LRIG3: variants seen among roughly 807,000 people sequenced by gnomAD.
LRIG3 encodes leucine rich repeats and immunoglobulin like domains 3, also known as leucine-rich repeats and immunoglobulin-like domains protein 3.
A neutral mutation model predicts 114.5 loss-of-function variants in LRIG3; 76 were observed. The ratio of observed to expected loss-of-function variants is 0.66; its 90% confidence interval spans 0.55 to 0.80. The LOEUF is 0.80. LRIG3 is among the 30% of genes least tolerant of loss of function. LRIG3 has a pLI of 0.00. For synonymous variants in LRIG3, 512 were observed against 519.8 expected (o/e 0.98, Z 0.20); for missense variants, 1,239 against 1,382.8 (o/e 0.90, Z 1.65).
At position 58,874,524 on chromosome 12, in the gene LRIG3, T is replaced by C. The variant is rs1870851786; in HGVS notation, c.2745A>G (p.Thr915=). 1 of 1,614,214 alleles carries C rather than the reference T, an allele frequency of 6.2e-7. No homozygotes were observed. Among genetic ancestry groups the C allele is most frequent in the Non-Finnish European group, 8.5e-7 (1 of 1,180,026 alleles). Residue 915 remains threonine, a synonymous_variant, in exon 17 of 19, where the codon ACA becomes ACG. Transcript: ENST00000320743. ...NSSEADVEAA[T]DLFLCPFLGS... ...CCAAAAACGGACAAAGGAACAGATC[T>C]GTGGCAGCTTCCACATCAGCTTCAC...
At chr12:58,872,849 C>A in intron 18 of LRIG3, 33 bp from the exon 19 acceptor site, 1 of 1,589,872 alleles carries the variant, frequency 6.3e-7, no homozygotes, top group Non-Finnish European at 8.6e-7. Flanking sequence ...GCACATGGGT[C>A]CCTTTGCTAG....
chr12:58,888,047 C>T (rs1156806174), intron 7 of LRIG3, 115 bp from the exon 8 acceptor site: 2 of 918,174 alleles, frequency 2.2e-6, no homozygotes, highest in Non-Finnish European at 3.2e-6. Context: ...TTAAATTCTG[C>T]CTTAATAATA....
At chr12:58,904,187 T>C (rs1314217541) in intron 3 of LRIG3, among the ~76,000 whole-genome samples, 1 of 152,172 alleles carries the variant, frequency 6.6e-6, no homozygotes, top group Non-Finnish European at 1.5e-5. Flanking sequence ...TAGAGCTCTG[T>C]TTCATTTCTT....
intron 12 of LRIG3, among the ~76,000 whole-genome samples, chr12:58,882,109 T>G (rs1293942619): frequency 6.6e-6 from 1 of 152,218 alleles, no homozygotes; most frequent in Non-Finnish European, 1.5e-5. Flanking sequence ...TTTAAGTAAA[T>G]TTTTAAATGC....
intron 9 of LRIG3, 55 bp from the exon 10 acceptor site, chr12:58,885,957 A>T: frequency 8.9e-7 from 1 of 1,117,674 alleles, no homozygotes. Context: ...TTTGGGGTGG[A>T]ACTCTCATAA....
chr12:58,883,557 C>T lies in LRIG3; in HGVS notation c.1279G>A (p.Gly427Ser). ...LSDNAIMSLQGNAFSQMKKLQ... is the reference protein window; with the variant it reads ...LSDNAIMSLQSNAFSQMKKLQ... ...TTCTTCATTTGTGAAAATGCATTGC[C>T]TTGTAAAGACATGATTGCGTTGTCA... Residue 427 changes from glycine (G) to serine (S), a missense_variant, in exon 11 of 19, where the codon GGC becomes AGC. By Grantham distance (56) the Gly-to-Ser change is moderately conservative (BLOSUM62 0). Transcript: ENST00000320743. 1 of 1,551,302 alleles carries T rather than the reference C, an allele frequency of 6.4e-7. No individual in the cohort carries two copies.
At chr12:58,885,735 C>T in intron 10 of LRIG3, 96 bp downstream of exon 10, 2 of 792,574 alleles carry the variant, frequency 2.5e-6, no homozygotes, top group Admixed American at 5.2e-5. Flanking sequence ...AGGATGCCAA[C>T]AAAATTACAT....
Position 58,920,340 on chromosome 12 carries a change from G to A in LRIG3, c.-105C>T. ...GGTGCACGCCCGCCCTCGCGGTCGC[G>A]TGCGCGCTCCTCCCTCGCGCTGCCC... On this transcript the variant is annotated 5_prime_UTR_variant, in exon 1 of 19. It adds an upstream start codon to the 5' untranslated region. Coordinates refer to ENST00000320743, the MANE Select transcript of LRIG3 (RefSeq NM_153377.5). 1 of 812,990 alleles carries A rather than the reference G, an allele frequency of 1.2e-6. No individual in the cohort carries two copies. The highest frequency in any genetic ancestry group is 3.7e-5 in the South Asian group (1 of 27,162). 50.4% of individuals were successfully genotyped at this position (812,990 alleles called of 1,614,324 possible).
At chr12:58,899,676 A>C (rs1383467750) in intron 3 of LRIG3, among the ~76,000 whole-genome samples, 1 of 151,958 alleles carries the variant, frequency 6.6e-6, no homozygotes, top group Non-Finnish European at 1.5e-5. Context: ...ATTTGTTTCA[A>C]ACTCTGACTT....
intron 16 of LRIG3, among the ~76,000 whole-genome samples, chr12:58,875,523 A>G (rs937360144): frequency 2.0e-5 from 3 of 152,228 alleles, no homozygotes; most frequent in African/African-American, 7.2e-5. Flanking sequence ...TTTTAGAATA[A>G]CATCGATGGC....
Position 58,875,047 on chromosome 12 carries a change from T to C in LRIG3, c.2696-474A>G, listed in dbSNP as rs575802571. 1.8e-3 allele frequency among the ~76,000 whole-genome samples: 270 copies of C among 152,314 alleles called. 1 individual carries two copies. The highest frequency in any genetic ancestry group is 1.8e-3 in the Non-Finnish European group (123 of 68,024). ...AGCAGGTGAAGAGTAAATGATATCA[T>C]CAGGGTTAGAGATGTCACGATGACG... On this transcript the variant is annotated intron_variant, in intron 16 of 18. Transcript: ENST00000320743.
intron 15 of LRIG3, 85 bp from the exon 16 acceptor site, chr12:58,876,688 T>C: frequency 6.9e-7 from 1 of 1,449,010 alleles, no homozygotes; most frequent in East Asian, 2.3e-5. Flanking sequence ...ATAGACTATT[T>C]TGGCTTCTGT....
At position 58,887,817 on chromosome 12, in the gene LRIG3, A is replaced by G; in HGVS notation, c.1063T>C (p.Phe355Leu). ...GTCTTTAAACTGGAAAGCCCCCGGAAGGCACAATCAGCAATGTAGCTGACT... is the reference window on the plus strand; with the variant it reads ...GTCTTTAAACTGGAAAGCCCCCGGAGGGCACAATCAGCAATGTAGCTGACT... Reference protein sequence around the residue: ...NRVSYIADCAFRGLSSLKTLD... With the variant: ...NRVSYIADCALRGLSSLKTLD... Residue 355 changes from phenylalanine (F) to leucine (L), a missense_variant, in exon 8 of 19, where the codon TTC becomes CTC. Transcript: ENST00000320743. 1.2e-6 allele frequency: 2 copies of G among 1,613,800 alleles called. No homozygotes were observed. The highest frequency in any genetic ancestry group is 1.6e-4 in the Middle Eastern group (1 of 6,062).
intron 12 of LRIG3, among the ~76,000 whole-genome samples, chr12:58,881,476 T>C (rs1450449395): frequency 2.0e-5 from 3 of 148,112 alleles, no homozygotes; most frequent in Non-Finnish European, 4.4e-5. Context: ...TAAAACAAAC[T>C]GTAAGACACT....
intron 3 of LRIG3, among the ~76,000 whole-genome samples, chr12:58,905,198 G>A (rs889199498): frequency 2.0e-5 from 3 of 152,116 alleles, no homozygotes; most frequent in Non-Finnish European, 2.9e-5. Context: ...ACTGTTGAAG[G>A]GTTTAAGGAA....
At chr12:58,888,083 T>A in intron 7 of LRIG3, 151 bp from the exon 8 acceptor site, 1 of 819,782 alleles carries the variant, frequency 1.2e-6, no homozygotes, top group Non-Finnish European at 1.8e-6. Flanking sequence ...CTAATATCAG[T>A]AATTAAAAAA....
rs145147232 is a variant in LRIG3, at chr12:58,910,611, A to C, written c.383+3371T>G. ...TGACACTGCGAGACTCCGTCTCAAA[A>C]AAAAACAAAAACAAAAACAAAAAAA... On this transcript the variant is annotated intron_variant, in intron 3 of 18. Transcript: ENST00000320743. Among the ~76,000 whole-genome samples the C allele has an allele frequency of 1.5e-3, 231 of 152,308 alleles. 4 individuals are homozygous for C. The highest frequency in any genetic ancestry group is 5.3e-3 in the African/African-American group (221 of 41,570).
chr12:58,903,391 C>T (rs1353163859), intron 3 of LRIG3, among the ~76,000 whole-genome samples: 1 of 152,064 alleles, frequency 6.6e-6, no homozygotes, highest in Non-Finnish European at 1.5e-5. Flanking sequence ...CTGTTCATAT[C>T]CTTTGCCCAC....
At position 58,874,242 on chromosome 12, in the gene LRIG3, A is replaced by C. The variant is rs750430621; in HGVS notation, c.2928T>G (p.Pro976=). The change falls in exon 18 of 19, where the codon CCT becomes CCG. Residue 976 remains proline (P), a synonymous_variant. Transcript: ENST00000320743. ...AGCTCCGTTCGCAGGATTCTTCTGA[A>C]GGATGAGAACATGGGTAGCACTCCT... ...KKKECYPCSH[P]SEESCERSFS... is the part of the protein sequence containing the mutation. 6.2e-6 allele frequency: 10 copies of C among 1,614,124 alleles called. No individual in the cohort carries two copies. The Admixed American group carries it at 6.7e-5, about 11-fold the overall frequency.
Sources: allele counts gnomAD v4.1 joint callset (sites outside exome capture counted in the v4.1 genomes callset), GRCh38; gene constraint gnomAD v4.1.1; transcripts MANE v1.5; gene names NCBI Gene and HGNC (gene_info 2026-07-23, HGNC 2026-07-21).